DNAJC1: variants seen among roughly 807,000 people sequenced by gnomAD.
The protein encoded by DNAJC1 is DnaJ heat shock protein family (Hsp40) member C1, also known as dnaJ homolog subfamily C member 1.
In DNAJC1, 58 loss-of-function variants were observed where a neutral mutation model predicts 76.6. The ratio of observed to expected loss-of-function variants is 0.76; its 90% confidence interval spans 0.61 to 0.94. DNAJC1 has a LOEUF of 0.94. DNAJC1 is among the 40% of genes least tolerant of loss of function. DNAJC1 has a pLI of 0.00. For missense variants in DNAJC1, 689 were observed against 677.3 expected (o/e 1.02, Z -0.19); for synonymous variants, 258 against 267.9 (o/e 0.96, Z 0.36).
intron 3 of DNAJC1, among the ~76,000 whole-genome samples, chr10:21,921,345 T>A (rs1837039523): frequency 6.6e-6 from 1 of 151,962 alleles, no homozygotes; most frequent in South Asian, 2.1e-4. Flanking sequence ...AAGATCAAGA[T>A]AAGAGCTGTT....
intron 8 of DNAJC1, among the ~76,000 whole-genome samples, chr10:21,839,708 T>G (rs1296986304): frequency 1.3e-5 from 2 of 152,046 alleles, no homozygotes; most frequent in Non-Finnish European, 2.9e-5. Flanking sequence ...CTGAAACTAT[T>G]CCAATCAATA....
intron 1 of DNAJC1, among the ~76,000 whole-genome samples, chr10:21,991,654 T>C (rs1231251586): frequency 6.6e-6 from 1 of 151,986 alleles, no homozygotes; most frequent in Non-Finnish European, 1.5e-5. Context: ...CAAAAACATT[T>C]AGCTATATCT....
Position 21,980,736 on chromosome 10 carries a change from T to C in DNAJC1, c.222+22477A>G, listed in dbSNP as rs939958121. On this transcript the variant is annotated intron_variant, in intron 1 of 11. Transcript: ENST00000376980. ...TGAAAGGTATATGAGAACTGTATTA[T>C]TTTTGCCACCTTTTGTTAAGCCTAA... is the stretch of plus-strand genomic sequence containing the variant. Among the ~76,000 whole-genome samples, 14 of 152,274 alleles carry C rather than the reference T, an allele frequency of 9.2e-5. No homozygotes were observed. The South Asian group carries it at 2.9e-3, about 32-fold the overall frequency.
At chr10:21,797,044 C>G (rs1834757380) in intron 9 of DNAJC1, among the ~76,000 whole-genome samples, 1 of 152,186 alleles carries the variant, frequency 6.6e-6, no homozygotes, top group African/African-American at 2.4e-5. Flanking sequence ...ATGAGGCTTT[C>G]TCCTATATTT....
chr10:21,905,572 T>C (rs1590042081), intron 6 of DNAJC1, among the ~76,000 whole-genome samples: 1 of 152,322 alleles, frequency 6.6e-6, no homozygotes, highest in Admixed American at 6.5e-5. Context: ...TTTTCTGACC[T>C]TCTCTGGCAG....
At chr10:21,943,366 T>C (rs560471474) in intron 1 of DNAJC1, among the ~76,000 whole-genome samples, 9 of 152,320 alleles carry the variant, frequency 5.9e-5, no homozygotes, top group African/African-American at 1.9e-4. Context: ...AAAATAAATA[T>C]ACCAGACAGA....
intron 8 of DNAJC1, among the ~76,000 whole-genome samples, chr10:21,857,036 G>A (rs572547486): frequency 8.5e-5 from 13 of 152,056 alleles, no homozygotes; most frequent in African/African-American, 2.4e-4. Context: ...ATGTCCAGCC[G>A]AAAAATATTA....
chr10:21,933,478 T>C (rs148140170), intron 1 of DNAJC1: 2 of 152,322 alleles, frequency 1.3e-5, no homozygotes, highest in Admixed American at 6.5e-5. Context: ...GCCATGTGCA[T>C]GCCCAGGACA....
Position 22,003,693 on chromosome 10 carries a change from A to C in DNAJC1, c.-259T>G. The C allele has an allele frequency of 2.7e-6, 1 of 369,042 alleles. No individual in the cohort carries two copies. Among genetic ancestry groups the C allele is most frequent in the Non-Finnish European group, 4.8e-6 (1 of 209,984 alleles). 22.9% of individuals were successfully genotyped at this position (369,042 alleles called of 1,614,324 possible). On this transcript the variant is annotated 5_prime_UTR_variant, in exon 1 of 12. Transcript: ENST00000376980. ...GACCCTCGCCCCCAGGCCTACACAC[A>C]GCTGTAGAGGCAGCGCCCGGCGCCT...
At chr10:21,915,058 C>T (rs1010033959) in intron 6 of DNAJC1, among the ~76,000 whole-genome samples, 6 of 152,152 alleles carry the variant, frequency 3.9e-5, no homozygotes, top group African/African-American at 1.4e-4. Context: ...CCTAGTAGTG[C>T]TTTGTTCTGA....
chr10:21,830,912 G>A (rs1427274501), intron 8 of DNAJC1, among the ~76,000 whole-genome samples: 2 of 151,894 alleles, frequency 1.3e-5, no homozygotes, highest in Non-Finnish European at 2.9e-5. Context: ...TTCATATCCT[G>A]TCATGTTCTT....
intron 8 of DNAJC1, among the ~76,000 whole-genome samples, chr10:21,816,723 T>C (rs1429712393): frequency 1.3e-5 from 2 of 149,864 alleles, no homozygotes; most frequent in African/African-American, 4.9e-5. Flanking sequence ...TTTTTTGTAT[T>C]TTTAGTAGAG....
rs147773515 is a variant in DNAJC1 at position 21,968,998 on chromosome 10, C to T, written c.222+34215G>A. Among the ~76,000 whole-genome samples, 531 of 151,894 alleles carry T rather than the reference C, an allele frequency of 3.5e-3. 3 individuals carry two copies. Among genetic ancestry groups the T allele is most frequent in the African/African-American group, 0.012 (484 of 41,418 alleles). Reference sequence around the variant, plus strand: ...GCACTTTGGGCCAGGCTGAGGTGGACGGATCACTTGAGGTCAGGAATTCGA... The same window carrying T: ...GCACTTTGGGCCAGGCTGAGGTGGATGGATCACTTGAGGTCAGGAATTCGA... On this transcript the variant is annotated intron_variant, in intron 1 of 11. Coordinates refer to ENST00000376980, the MANE Select transcript of DNAJC1 (RefSeq NM_022365.4).
rs117460753 is a variant in DNAJC1 at position 21,943,771 on chromosome 10, C to T, written c.223-14630G>A. Among the ~76,000 whole-genome samples the T allele has an allele frequency of 3.2e-3, 491 of 152,264 alleles. 2 individuals are homozygous for T. Among genetic ancestry groups the T allele is most frequent in the Non-Finnish European group, 5.3e-3 (361 of 68,014 alleles). The stretch of plus-strand genomic sequence containing the variant: ...CCTGCCCAAAGCAGGATCTCTTAAA[C>T]GCTTCAGTGACTGCTATTGCTAAAC... On this transcript the variant is annotated intron_variant, in intron 1 of 11. Transcript: ENST00000376980.
chr10:21,856,360 A>AT, intron 8 of DNAJC1, among the ~76,000 whole-genome samples: 1 of 152,216 alleles, frequency 6.6e-6, no homozygotes, highest in South Asian at 2.1e-4. Flanking sequence ...ACTACATTTT[A>AT]TTATTGTGTA....
chr10:21,817,767 A>G (rs372395347), intron 8 of DNAJC1, among the ~76,000 whole-genome samples: 1 of 152,188 alleles, frequency 6.6e-6, no homozygotes, highest in South Asian at 2.1e-4. Flanking sequence ...CCAAATTAAT[A>G]CTTTTATAAT....
intron 1 of DNAJC1, among the ~76,000 whole-genome samples, chr10:21,987,945 T>C (rs932359422): frequency 2.6e-5 from 4 of 152,158 alleles, no homozygotes; most frequent in African/African-American, 7.2e-5. Flanking sequence ...TGAATACAAC[T>C]TGATATTTGG....
chr10:21,847,772 TC>T (rs1184329504), intron 8 of DNAJC1, among the ~76,000 whole-genome samples: 1 of 152,172 alleles, frequency 6.6e-6, no homozygotes, highest in Non-Finnish European at 1.5e-5. Flanking sequence ...AGAATTTCAT[TC>T]TTTTTTCATG....
intron 8 of DNAJC1, among the ~76,000 whole-genome samples, chr10:21,877,724 A>T (rs1488966037): frequency 1.3e-5 from 2 of 152,234 alleles, no homozygotes; most frequent in Non-Finnish European, 2.9e-5. Flanking sequence ...TAAAGTATAA[A>T]TTGACACAAA....
Sources: allele counts gnomAD v4.1 joint callset (sites outside exome capture counted in the v4.1 genomes callset), GRCh38; gene constraint gnomAD v4.1.1; transcripts MANE v1.5; gene names NCBI Gene and HGNC (gene_info 2026-07-23, HGNC 2026-07-21).